FBN1: variants seen among roughly 807,000 people sequenced by gnomAD.
FBN1 encodes the protein fibrillin 1, also known as fibrillin-1.
In FBN1, 29 loss-of-function variants were observed where a neutral mutation model predicts 365.1. The observed-to-expected ratio is 0.08, with a 90% CI of 0.06 to 0.11. The LOEUF (loss-of-function observed/expected upper bound fraction) is 0.11. Ranked by LOEUF, FBN1 falls within the 10% of genes least tolerant of loss-of-function variation. The pLI, the probability that FBN1 is intolerant of heterozygous loss-of-function variation, is 1.00. For synonymous variants in FBN1, 1,210 were observed against 1,270.5 expected (o/e 0.95, Z 1.01); for missense variants, 2,476 against 3,703.2 (o/e 0.67, Z 8.60).
intron 2 of FBN1, among the ~76,000 whole-genome samples, chr15:48,633,508 A>G (rs1015992088): frequency 2.6e-5 from 4 of 152,006 alleles, no homozygotes; most frequent in African/African-American, 2.4e-5. Flanking sequence ...GGAGAAGACT[A>G]TTTCTCTTTT....
intron 6 of FBN1, among the ~76,000 whole-genome samples, chr15:48,558,344 G>T (rs1048071998): frequency 2.0e-5 from 3 of 152,130 alleles, no homozygotes; most frequent in Admixed American, 1.3e-4. Context: ...TTTAGTTTTA[G>T]ACCTTGGTAA....
At chr15:48,570,426 A>G (rs926874654) in intron 6 of FBN1, among the ~76,000 whole-genome samples, 3 of 152,070 alleles carry the variant, frequency 2.0e-5, no homozygotes, top group Non-Finnish European at 2.9e-5. Flanking sequence ...ACATGCAAAA[A>G]ATTTGTTTTG....
chr15:48,607,526 A>AT (rs2044623756), intron 4 of FBN1, among the ~76,000 whole-genome samples: 1 of 116,450 alleles, frequency 8.6e-6, no homozygotes, highest in African/African-American at 6.4e-5. Flanking sequence ...TAGTATCCTT[A>AT]TAAAAAAAAA....
At chr15:48,627,299 T>C (rs1471179904) in intron 2 of FBN1, among the ~76,000 whole-genome samples, 1 of 152,206 alleles carries the variant, frequency 6.6e-6, no homozygotes, top group Non-Finnish European at 1.5e-5. Context: ...CTCCTATAGA[T>C]TGGCACTTCT....
At chr15:48,431,478 T>C (rs912754070) in intron 55 of FBN1, among the ~76,000 whole-genome samples, 1 of 152,042 alleles carries the variant, frequency 6.6e-6, no homozygotes, top group Non-Finnish European at 1.5e-5. Context: ...AAGGGCCTCA[T>C]GTAATTATAA....
intron 3 of FBN1, among the ~76,000 whole-genome samples, chr15:48,612,093 A>G (rs993364752): frequency 1.3e-5 from 2 of 152,252 alleles, no homozygotes; most frequent in Non-Finnish European, 2.9e-5. Flanking sequence ...AAATACCATT[A>G]TATTTCTCTT....
chr15:48,504,148 C>A (rs1465229639), intron 16 of FBN1, among the ~76,000 whole-genome samples: 1 of 152,168 alleles, frequency 6.6e-6, no homozygotes, highest in Non-Finnish European at 1.5e-5. Flanking sequence ...AACCAATGGC[C>A]AGATTGCTTC....
chr15:48,468,996 AG>A (rs1249718788), intron 36 of FBN1, among the ~76,000 whole-genome samples: 15 of 146,810 alleles, frequency 1.0e-4, no homozygotes, highest in African/African-American at 3.9e-4. Context: ...TGAACCTGGG[AG>A]GCGGAGCTTG....
chr15:48,590,527 C>A (rs1393733325), intron 6 of FBN1, among the ~76,000 whole-genome samples: 1 of 152,174 alleles, frequency 6.6e-6, no homozygotes, highest in African/African-American at 2.4e-5. Flanking sequence ...ATCATTTTTA[C>A]ATCATCAGAG....
chr15:48,644,806 C>G lies in FBN1; in HGVS notation c.-37G>C. 1.3e-6 allele frequency: 2 copies of G among 1,594,222 alleles called. No homozygotes were observed. Among genetic ancestry groups the G allele is most frequent in the South Asian group, 1.1e-5 (1 of 90,542 alleles). On this transcript the variant is annotated 5_prime_UTR_variant, in exon 2 of 66. Transcript: ENST00000316623. ...GCCACCGGCTCCCGCCGCCTCTTGC[C>G]GCGCCCGGGGCTCGGTCTGCGGCCG... is the stretch of plus-strand genomic sequence containing the variant.
At position 48,534,211 on chromosome 15, in the gene FBN1, A is replaced by C; in HGVS notation, c.737-6T>G. 1.2e-6 allele frequency: 2 copies of C among 1,610,600 alleles called. No homozygotes were observed. The highest frequency in any genetic ancestry group is 1.7e-6 in the Non-Finnish European group (2 of 1,179,012). ...GGCCTGGCATTCATCCACATCTGTC[A>C]GATTACAGAAGACAGAGAGAAAAAA... On this transcript the variant is annotated splice_polypyrimidine_tract_variant and splice_region_variant and intron_variant, in intron 7 of 65. Coordinates refer to ENST00000316623, the MANE Select transcript of FBN1 (RefSeq NM_000138.5).
intron 13 of FBN1, among the ~76,000 whole-genome samples, chr15:48,511,099 T>A (rs2043755327): frequency 6.6e-6 from 1 of 152,178 alleles, no homozygotes; most frequent in South Asian, 2.1e-4. Flanking sequence ...TGAGGTCACA[T>A]TTGTCTGAGT....
intron 2 of FBN1, among the ~76,000 whole-genome samples, chr15:48,623,538 GA>G (rs1236857512): frequency 6.6e-6 from 1 of 151,920 alleles, no homozygotes; most frequent in Admixed American, 6.6e-5. Context: ...GGCAAAAGAA[GA>G]AAAAAAATCC....
At chr15:48,623,353 G>A (rs1567074) in intron 2 of FBN1, among the ~76,000 whole-genome samples, 13,564 of 152,212 alleles carry the variant, frequency 0.089, 1,813 homozygotes, top group African/African-American at 0.29. Context: ...AAACAGAAAT[G>A]TATGGTGGTT....
At chr15:48,563,214 C>T (rs180968099) in intron 6 of FBN1, among the ~76,000 whole-genome samples, 31 of 152,202 alleles carry the variant, frequency 2.0e-4, no homozygotes, top group East Asian at 3.9e-4. Flanking sequence ...TGAAAACAGG[C>T]GGCCAGCTCT....
intron 54 of FBN1, among the ~76,000 whole-genome samples, chr15:48,433,323 G>A (rs976576023): frequency 6.6e-6 from 1 of 152,148 alleles, no homozygotes; most frequent in African/African-American, 2.4e-5. Context: ...TGGCTTAGAA[G>A]GCTCAGGTTG....
intron 65 of FBN1, 131 bp from the exon 66 acceptor site, chr15:48,411,510 G>A (rs1291700602): frequency 2.5e-6 from 2 of 808,486 alleles, no homozygotes; most frequent in Non-Finnish European, 4.2e-6. Flanking sequence ...AATATTGAAA[G>A]CATTTTGTTT....
intron 2 of FBN1, among the ~76,000 whole-genome samples, chr15:48,626,947 G>C (rs1889895744): frequency 6.6e-6 from 1 of 152,126 alleles, no homozygotes; most frequent in African/African-American, 2.4e-5. Flanking sequence ...AAATGTATTG[G>C]TGTGCTCATT....
chr15:48,563,351 G>A (rs1022405034), intron 6 of FBN1, among the ~76,000 whole-genome samples: 5 of 152,058 alleles, frequency 3.3e-5, no homozygotes, highest in African/African-American at 1.2e-4. Context: ...AAGGGGTTAG[G>A]TAAATAAATT....
Sources: allele counts gnomAD v4.1 joint callset (sites outside exome capture counted in the v4.1 genomes callset), GRCh38; gene constraint gnomAD v4.1.1; transcripts MANE v1.5; gene names NCBI Gene and HGNC (gene_info 2026-07-23, HGNC 2026-07-21).